The following SQLE variants were observed in gnomAD, a reference collection of about 807,000 sequenced individuals.
SQLE encodes the protein squalene monooxygenase.
Under a neutral mutation model 60.7 loss-of-function variants are expected in SQLE, and 29 were observed. The ratio of observed to expected loss-of-function variants is 0.48; its 90% CI spans 0.36 to 0.65. The LOEUF (loss-of-function observed/expected upper bound fraction) is 0.65, where lower values mean the gene tolerates loss of function less well. Ranked by LOEUF, SQLE falls within the 30% of genes least tolerant of loss-of-function variation. The pLI, the probability that SQLE is intolerant of heterozygous loss-of-function variation, is 0.00. For synonymous variants in SQLE, 237 were observed against 246.8 expected, an observed-to-expected ratio of 0.96 and a Z score of 0.37; for missense variants, 605 against 684.1, an observed-to-expected ratio of 0.88 and a Z score of 1.29.
chr8:125,000,394 C>T (rs1295404173), intron 1 of SQLE, among the ~76,000 whole-genome samples: 4 of 152,206 alleles, frequency 2.6e-5, no homozygotes, highest in Non-Finnish European at 5.9e-5. Flanking sequence ...CTCCCAAGAA[C>T]ACTGGAGGAT....
chr8:125,007,381 T>A lies in SQLE; in HGVS notation c.726-10T>A, dbSNP rs564692343. 7.9e-5 allele frequency: 120 copies of A among 1,517,128 alleles called. No homozygotes were observed. In the African/African-American group the frequency reaches 1.3e-3, roughly 16 times the overall value. The allele number at this position is 1,517,128 out of a possible 1,614,324, so 94.0% of individuals were successfully genotyped here. The stretch of plus-strand genomic sequence containing the variant: ...GCTGCTTTAGAAATGTATTTTTTTT[T>A]ATTCTTTAGTGCAAAGTTTATTGAA... On this transcript the variant is annotated splice_polypyrimidine_tract_variant and intron_variant, in intron 3 of 10. Transcript: ENST00000265896.
At chr8:125,015,951 T>C (rs1815106197) in intron 7 of SQLE, among the ~76,000 whole-genome samples, 1 of 148,128 alleles carries the variant, frequency 6.8e-6, no homozygotes, top group Admixed American at 6.7e-5. Flanking sequence ...AGATTTCCAC[T>C]AAGTCTACTG....
At chr8:124,999,833 A>G in intron 1 of SQLE, 139 bp downstream of exon 1, 1 of 1,089,702 alleles carries the variant, frequency 9.2e-7, no homozygotes, top group African/African-American at 1.6e-5. Context: ...TTTATTTTAA[A>G]CTCTGCTGTG....
intron 3 of SQLE, among the ~76,000 whole-genome samples, chr8:125,006,784 A>G (rs1239537134): frequency 1.3e-5 from 2 of 149,804 alleles, no homozygotes; most frequent in Admixed American, 6.6e-5. Context: ...GGCTCACTGC[A>G]ACCTCTGCCT....
chr8:125,010,490 A>G (rs1815021693), intron 6 of SQLE, among the ~76,000 whole-genome samples: 1 of 152,156 alleles, frequency 6.6e-6, no homozygotes, highest in African/African-American at 2.4e-5. Flanking sequence ...GTATGAGTAC[A>G]TTTTGTTTAA....
chr8:125,014,130 A>G (rs1289712053), intron 7 of SQLE, among the ~76,000 whole-genome samples: 1 of 152,186 alleles, frequency 6.6e-6, no homozygotes, highest in African/African-American at 2.4e-5. Context: ...GGCCAGAACT[A>G]GGGTTGTAAA....
intron 2 of SQLE, among the ~76,000 whole-genome samples, chr8:125,004,359 T>C (rs1453607266): frequency 6.6e-6 from 1 of 152,188 alleles, no homozygotes; most frequent in Non-Finnish European, 1.5e-5. Flanking sequence ...ATATTATGTC[T>C]TTAGGATGAA....
At chr8:125,011,503 A>G (rs1321689939) in intron 6 of SQLE, 34 bp from the exon 7 acceptor site, 10 of 1,516,202 alleles carry the variant, frequency 6.6e-6, no homozygotes, top group Non-Finnish European at 8.1e-6. Flanking sequence ...AAGTGTTATG[A>G]CCCATTTCTT....
intron 6 of SQLE, 139 bp downstream of exon 6, chr8:125,009,482 A>G (rs1815006772): frequency 3.4e-6 from 3 of 892,114 alleles, no homozygotes; most frequent in African/African-American, 3.5e-5. Flanking sequence ...AAACAGCAAA[A>G]CAAACTCCCA....
chr8:125,018,988 A>C (rs1815157985), intron 9 of SQLE: 1 of 367,462 alleles, frequency 2.7e-6, no homozygotes, highest in Non-Finnish European at 4.9e-6. Flanking sequence ...TCTGGTGCAG[A>C]CTAGATCATG....
At position 125,018,826 on chromosome 8, in the gene SQLE, T is replaced by C. The variant is rs77900859; in HGVS notation, c.1444+99T>C. 6,179 of 806,994 alleles carry C rather than the reference T, an allele frequency of 7.7e-3. 294 individuals are homozygous for C. The African/African-American group carries it at 0.1, about 13-fold the overall frequency. 50.0% of individuals were successfully genotyped at this position (806,994 alleles called of 1,614,324 possible). The stretch of plus-strand genomic sequence containing the variant: ...GTGATTTGTCCAGAAATAAAAATGT[T>C]ACCTGAGTTTGCTAACTCCCAAGTT... On this transcript the variant is annotated intron_variant, in intron 9 of 10. Coordinates refer to ENST00000265896, the MANE Select transcript of SQLE (RefSeq NM_003129.4).
intron 3 of SQLE, among the ~76,000 whole-genome samples, chr8:125,006,840 G>A (rs965770308): frequency 2.7e-4 from 41 of 151,634 alleles, no homozygotes; most frequent in Non-Finnish European, 2.9e-5. Context: ...GAGTAGCTGG[G>A]ATTACAGGCA....
At chr8:125,015,525 A>C (rs1815097674) in intron 7 of SQLE, among the ~76,000 whole-genome samples, 1 of 151,868 alleles carries the variant, frequency 6.6e-6, no homozygotes, top group Non-Finnish European at 1.5e-5. Context: ...TCTTGCTTTT[A>C]ATTTTTTTGC....
Position 125,009,361 on chromosome 8 carries a change from C to A in SQLE, c.1108+18C>A. On this transcript the variant is annotated intron_variant, in intron 6 of 10. Coordinates refer to ENST00000265896, the MANE Select transcript of SQLE (RefSeq NM_003129.4). ...AATACCTGGTAAGAAATAGCATCTT[C>A]AGTTCTTACAAAGGCTGTGTCTAAA... 1 of 1,598,630 alleles carries A rather than the reference C, an allele frequency of 6.3e-7. No individual in the cohort carries two copies. Among genetic ancestry groups the A allele is most frequent in the Non-Finnish European group, 8.5e-7 (1 of 1,172,070 alleles).
chr8:125,009,021 C>G lies in SQLE; in HGVS notation c.873C>G (p.Phe291Leu), dbSNP rs1815000378. 8.7e-6 allele frequency: 14 copies of G among 1,600,626 alleles called. No homozygotes were observed. The highest frequency in any genetic ancestry group is 2.2e-5 in the East Asian group (1 of 44,708). The change falls in exon 5 of 11, where the codon TTC (phenylalanine) becomes TTG (leucine). Residue 291 changes from phenylalanine (F) to leucine (L), a missense_variant. Phe to Leu is a conservative substitution (Grantham distance 22). Transcript: ENST00000265896. ...TTGCAGATGGGCTTTTCTCCAAGTT[C>G]AGGAAAAGCCTGGTCTCCAATAAAG... ...TVVADGLFSK[F>L]RKSLVSNKVS...
chr8:125,013,074 T>G (rs28813096), intron 7 of SQLE, among the ~76,000 whole-genome samples: 9 of 152,202 alleles, frequency 5.9e-5, no homozygotes, highest in Non-Finnish European at 1.0e-4. Context: ...ATTTAGACTT[T>G]GCATATTTTT....
chr8:125,014,855 C>T (rs1815088474), intron 7 of SQLE, among the ~76,000 whole-genome samples: 2 of 152,046 alleles, frequency 1.3e-5, no homozygotes, highest in Admixed American at 6.5e-5. Flanking sequence ...TGTGAATGAT[C>T]GATTTGCTGA....
intron 1 of SQLE, among the ~76,000 whole-genome samples, chr8:125,002,792 A>T (rs574132844): frequency 1.6e-4 from 24 of 152,330 alleles, no homozygotes. Flanking sequence ...GTCGATTCCC[A>T]GGATATATTT....
chr8:125,000,513 G>A (rs1183279364), intron 1 of SQLE, among the ~76,000 whole-genome samples: 1 of 152,088 alleles, frequency 6.6e-6, no homozygotes, highest in Non-Finnish European at 1.5e-5. Context: ...GCGTGATCTC[G>A]GCTCACTGCA....
Sources: allele counts gnomAD v4.1 joint callset (sites outside exome capture counted in the v4.1 genomes callset), GRCh38; gene constraint gnomAD v4.1.1; transcripts MANE v1.5; gene names NCBI Gene and HGNC (gene_info 2026-07-23, HGNC 2026-07-21).